The following PFKP variants were observed in gnomAD, a reference collection of about 807,000 sequenced individuals.
PFKP encodes ATP-dependent 6-phosphofructokinase, platelet type.
PFKP carries 101 observed loss-of-function variants against 94.3 expected under a neutral mutation model. That is an observed-to-expected ratio of 1.07 (90% CI 0.91 to 1.26). The LOEUF is 1.26. PFKP is among the 50% of genes most tolerant of loss of function. The pLI, the probability that PFKP is intolerant of heterozygous loss-of-function variation, is 0.00. For missense variants in PFKP, 1,145 were observed against 1,103.3 expected, an observed-to-expected ratio of 1.04 and a Z score of -0.53; for synonymous variants, 573 against 432.6, an observed-to-expected ratio of 1.32 and a Z score of -4.03.
At chr10:3,108,404 G>A (rs1435113617) in intron 8 of PFKP, among the ~76,000 whole-genome samples, 1 of 152,148 alleles carries the variant, frequency 6.6e-6, no homozygotes, top group African/African-American at 2.4e-5. Flanking sequence ...GCAAGCTACT[G>A]AAACGTTACT....
At chr10:3,081,916 GTTTAT>G (rs1338029927) in intron 1 of PFKP, among the ~76,000 whole-genome samples, 1 of 142,490 alleles carries the variant, frequency 7.0e-6, no homozygotes, top group Non-Finnish European at 1.5e-5. Context: ...TAATATGCTG[GTTTAT>G]TTTAACTTTA....
At chr10:3,092,759 G>A (rs1406846389) in intron 2 of PFKP, among the ~76,000 whole-genome samples, 1 of 152,166 alleles carries the variant, frequency 6.6e-6, no homozygotes, top group African/African-American at 2.4e-5. Context: ...TATTTCTTTT[G>A]GGTTAAAATG....
intron 1 of PFKP, among the ~76,000 whole-genome samples, chr10:3,071,326 C>T (rs80303529): frequency 0.039 from 5,936 of 150,734 alleles, 182 homozygotes; most frequent in Non-Finnish European, 0.057. Context: ...TCTATATTCC[C>T]GACTCCCCGG....
At position 3,072,172 on chromosome 10, in the gene PFKP, T is replaced by C. The variant is rs75833643; in HGVS notation, c.112+4465T>C. 8.6e-3 allele frequency among the ~76,000 whole-genome samples: 1,304 copies of C among 152,354 alleles called. 29 individuals are homozygous for C. In the East Asian group the frequency reaches 0.092, roughly 11 times the overall value. On this transcript the variant is annotated intron_variant, in intron 1 of 21. Transcript: ENST00000381125. ...GAAGTCCTTTAGAGGAATTCAACCC[T>C]CTCTAATTAAAAGTATCCAATATCC...
At chr10:3,103,586 G>T (rs950061003) in intron 4 of PFKP, among the ~76,000 whole-genome samples, 193 bp from the exon 5 acceptor site, 2 of 152,190 alleles carry the variant, frequency 1.3e-5, no homozygotes, top group Non-Finnish European at 2.9e-5. Context: ...CTATGATGGT[G>T]CCACTGCACT....
chr10:3,082,488 C>A, intron 2 of PFKP, 27 bp downstream of exon 2: 2 of 1,560,274 alleles, frequency 1.3e-6, no homozygotes, highest in Non-Finnish European at 1.8e-6. Context: ...CACCCCCTGT[C>A]GCCCTTCTTC....
intron 1 of PFKP, 24 bp from the exon 2 acceptor site, chr10:3,082,364 C>T (rs747306601): frequency 2.2e-5 from 35 of 1,590,340 alleles, no homozygotes; most frequent in Non-Finnish European, 2.9e-5. Flanking sequence ...TCTTCAGTGA[C>T]TCTTGCTCCT....
intron 16 of PFKP, among the ~76,000 whole-genome samples, chr10:3,123,172 C>A (rs116187356): frequency 2.3e-3 from 350 of 152,254 alleles, no homozygotes; most frequent in African/African-American, 8.0e-3. Context: ...TCTCAGGATA[C>A]GGCTGCAGGG....
At position 3,135,857 on chromosome 10, in the gene PFKP, C is replaced by T; in HGVS notation, c.2225+19C>T. 1 of 1,499,292 alleles carries T rather than the reference C, an allele frequency of 6.7e-7. No individual in the cohort carries two copies. Among genetic ancestry groups the T allele is most frequent in the Non-Finnish European group, 9.3e-7 (1 of 1,075,902 alleles). The allele number at this position is 1,499,292 out of a possible 1,614,324, so 92.9% of individuals were successfully genotyped here. On this transcript the variant is annotated intron_variant, in intron 21 of 21. Coordinates refer to ENST00000381125, the MANE Select transcript of PFKP (RefSeq NM_002627.5). ...ATTTTGAGTAAGTTGGCTGGGTTCC[C>T]TGAGGCAATAAGACCCCAATGTGAG...
rs1199634965 is a variant in PFKP at position 3,129,821 on chromosome 10, C to T, written c.1686C>T (p.Thr562=). The change falls in exon 17 of 22, where the codon ACC becomes ACT. Residue 562 remains threonine (T), a splice_region_variant and synonymous_variant. Transcript: ENST00000381125. The part of the protein sequence containing the change: ...ADTALNTITD[T]CDRIKQSASG... ...ACTGATCGCTTCTCTGTGACCAGAC[C>T]TGCGACCGCATCAAGCAGTCCGCCA... 3 of 1,613,446 alleles carry T rather than the reference C, an allele frequency of 1.9e-6. No homozygotes were observed. Among genetic ancestry groups the T allele is most frequent in the Middle Eastern group, 1.7e-4 (1 of 6,044 alleles).
At chr10:3,105,617 G>T (rs1835465694) in intron 7 of PFKP, 116 bp downstream of exon 7, 4 of 715,908 alleles carry the variant, frequency 5.6e-6, no homozygotes, top group Non-Finnish European at 9.9e-6. Flanking sequence ...TCTCCAGTTT[G>T]TCACACTTTG....
chr10:3,128,925 T>G lies in PFKP; in HGVS notation c.1684-894T>G, dbSNP rs369149633. ...CTGGGGTGGCTGGAACAGGACCTGG[T>G]GCCGGGAGCAGGCGGGGCCGGGGAT... On this transcript the variant is annotated intron_variant, in intron 16 of 21. Coordinates refer to ENST00000381125, the MANE Select transcript of PFKP (RefSeq NM_002627.5). The G allele has an allele frequency of 5.2e-5, 8 of 152,460 alleles. No individual in the cohort carries two copies. In the East Asian group the frequency reaches 5.8e-4, roughly 11 times the overall value. 9.4% of individuals were successfully genotyped at this position (152,460 alleles called of 1,614,324 possible).
At chr10:3,099,133 C>T (rs1760878775) in intron 2 of PFKP, 142 bp from the exon 3 acceptor site, 1 of 680,188 alleles carries the variant, frequency 1.5e-6, no homozygotes. Context: ...TTATCCAGTG[C>T]TGGAACTGCC....
intron 2 of PFKP, among the ~76,000 whole-genome samples, chr10:3,084,705 C>CA (rs1381704426): frequency 7.9e-4 from 53 of 67,310 alleles, no homozygotes; most frequent in African/African-American, 2.7e-3. Flanking sequence ...GTCCTCCAGC[C>CA]CCTCCCCAGG....
Position 3,082,400 on chromosome 10 carries a change from C to A in PFKP, c.125C>A (p.Ala42Asp). The change falls in exon 2 of 22, where the codon GCC (alanine) becomes GAC (aspartate). Residue 42 changes from alanine to aspartate, a missense_variant. Ala to Asp is a moderately radical substitution (Grantham distance 126). This residue lies in a region of PFKP where 1,119 missense variants were observed against 1,062.8 expected (regional missense o/e 1.05). Transcript: ENST00000381125. Reference protein sequence around the residue: ...SGGDAQGMNAAVRAVVRMGIY... With the variant: ...SGGDAQGMNADVRAVVRMGIY... The stretch of plus-strand genomic sequence containing the variant: ...GTTTCCACTGCAGGTATGAACGCTG[C>A]CGTCCGTGCCGTGGTGCGCATGGGT... 2 of 1,606,398 alleles carry A rather than the reference C, an allele frequency of 1.2e-6. No homozygotes were observed. The highest frequency in any genetic ancestry group is 1.7e-6 in the Non-Finnish European group (2 of 1,174,954).
chr10:3,118,793 G>A lies in PFKP; in HGVS notation c.1454G>A (p.Gly485Glu), dbSNP rs377537896. 5 of 1,613,194 alleles carry A rather than the reference G, an allele frequency of 3.1e-6. No homozygotes were observed. In the Admixed American group the frequency reaches 5.0e-5, roughly 16 times the overall value. Residue 485 changes from glycine (G) to glutamate (E), a missense_variant, in exon 15 of 22, where the codon GGG (glycine) becomes GAG (glutamate). Physicochemically the swap from Gly to Glu is moderately conservative, Grantham distance 98. Transcript: ENST00000381125. ...SILGTKRVLP[G>E]KYLEEIATQM... is the part of the protein sequence containing the mutation. Reference sequence around the variant, plus strand: ...GTGGCTATTTTCAGCGTTCTCCCGGGGAAGTACTTGGAAGAGATCGCCACA... The same window carrying A: ...GTGGCTATTTTCAGCGTTCTCCCGGAGAAGTACTTGGAAGAGATCGCCACA...
At chr10:3,134,432 GC>G in intron 19 of PFKP, 50 bp from the exon 20 acceptor site, 3 of 1,010,150 alleles carry the variant, frequency 3.0e-6, no homozygotes, top group Non-Finnish European at 1.5e-6. Flanking sequence ...CTATTTAACA[GC>G]AAAGTGTTAC....
rs534159905 is a variant in PFKP, at chr10:3,101,118, C to G, written c.265-247C>G. Reference sequence around the variant, plus strand: ...CTCCATGTATTTAACTGCTGGCTGCCGTGTGTCTGGCTCTGCACCCTCCCT... The same window carrying G: ...CTCCATGTATTTAACTGCTGGCTGCGGTGTGTCTGGCTCTGCACCCTCCCT... On this transcript the variant is annotated intron_variant, in intron 3 of 21. Coordinates refer to ENST00000381125, the MANE Select transcript of PFKP (RefSeq NM_002627.5). 1.6e-5 allele frequency: 14 copies of G among 880,802 alleles called. No homozygotes were observed. The African/African-American group carries it at 2.1e-4, about 13-fold the overall frequency. The allele number at this position is 880,802 out of a possible 1,614,324, so 54.6% of individuals were successfully genotyped here.
At chr10:3,100,925 T>A in intron 3 of PFKP, 1 of 1,603,162 alleles carries the variant, frequency 6.2e-7, no homozygotes, top group Non-Finnish European at 8.5e-7. Flanking sequence ...TTGCAGGTGC[T>A]GTAAGGGGTG....
Sources: allele counts gnomAD v4.1 joint callset (sites outside exome capture counted in the v4.1 genomes callset), GRCh38; gene constraint gnomAD v4.1.1; regional missense constraint gnomAD v4.1.1; transcripts MANE v1.5; gene names NCBI Gene and HGNC (gene_info 2026-07-23, HGNC 2026-07-21).